The following MSH6 variants were observed in gnomAD, a reference collection of about 807,000 sequenced individuals.
The protein encoded by MSH6 is mutS homolog 6.
In MSH6, 85 loss-of-function variants were observed where a neutral mutation model predicts 119.1. The observed-to-expected ratio is 0.71, with a 90% CI of 0.60 to 0.85. The LOEUF is 0.85. Ranked by LOEUF, MSH6 falls within the 40% of genes least tolerant of loss-of-function variation. The probability of loss-of-function intolerance (pLI) is 0.00; values close to 1 mark genes in which losing one functional copy is unlikely to be tolerated. For missense variants in MSH6, 2,163 were observed against 1,655.3 expected (o/e 1.31, Z -5.32); for synonymous variants, 830 against 586.9 (o/e 1.41, Z -5.99).
downstream of MSH6, chr2:47,809,980 A>G: frequency 2.0e-6 from 1 of 492,112 alleles, no homozygotes; most frequent in Non-Finnish European, 3.6e-6. Context: ...CCATTTTAAC[A>G]TCTCTTTTTC....
intron 2 of MSH6, among the ~76,000 whole-genome samples, chr2:47,792,155 A>C (rs1668770749): frequency 6.6e-6 from 1 of 152,066 alleles, no homozygotes; most frequent in African/African-American, 2.4e-5. Flanking sequence ...CGCCCAGCTA[A>C]TTTTTGTATT....
At chr2:47,795,097 A>G (rs1668988278) in intron 2 of MSH6, among the ~76,000 whole-genome samples, 1 of 151,982 alleles carries the variant, frequency 6.6e-6, no homozygotes. Flanking sequence ...CCAGCTAGTA[A>G]GTTTTTAAGA....
chr2:47,783,581 G>C (rs1012323306), intron 1 of MSH6, 88 bp downstream of exon 1: 4 of 1,302,042 alleles, frequency 3.1e-6, no homozygotes, highest in Non-Finnish European at 4.0e-6. Flanking sequence ...AGGGGGTTGG[G>C]GGGGTGCACG....
intron 8 of MSH6, 32 bp from the exon 9 acceptor site, chr2:47,806,420 C>G (rs2104549525): frequency 6.2e-7 from 1 of 1,613,580 alleles, no homozygotes; most frequent in Non-Finnish European, 8.5e-7. Flanking sequence ...CTCTTGCTAG[C>G]ACATGTATCG....
At position 47,805,010 on chromosome 2, in the gene MSH6, C is replaced by G. The variant is rs766905993; in HGVS notation, c.3539C>G (p.Ser1180Ter). ...AGAGTGTTTACTAGACTTGGTGCCT[C>G]AGACAGAATAATGTCAGGTGAGTTT... ...IDRVFTRLGA[S>*]DRIMSGESTF... Residue 1180 changes from serine to a stop codon, truncating the protein, a stop_gained, in exon 6 of 10, where the codon TCA becomes TGA. Transcript: ENST00000234420. LOFTEE classifies it high-confidence loss of function. 6.2e-7 allele frequency: 1 copy of G among 1,612,644 alleles called. No individual in the cohort carries two copies. The highest frequency in any genetic ancestry group is 2.2e-5 in the East Asian group (1 of 44,884).
chr2:47,800,386 G>T lies in MSH6; in HGVS notation c.2403G>T (p.Val801=), dbSNP rs1572727035. 1 of 1,614,054 alleles carries T rather than the reference G, an allele frequency of 6.2e-7. No individual in the cohort carries two copies. The stretch of plus-strand genomic sequence containing the variant: ...ATGCCATAGAAGACCTCATGGTTGT[G>T]CCTGACAAAATCTCCGAAGTTGTAG... The part of the protein sequence containing the change: ...RLDAIEDLMV[V]PDKISEVVEL... Residue 801 remains valine, a synonymous_variant, in exon 4 of 10, where the codon GTG becomes GTT. Transcript: ENST00000234420.
Position 47,803,502 on chromosome 2 carries a change from C to G in MSH6, c.3255C>G (p.Thr1085=), listed in dbSNP as rs371568610. ...CRPVILLPED[T]PPFLELKGSR... The stretch of plus-strand genomic sequence containing the variant: ...CAGTAATTCTGTTGCCGGAAGATAC[C>G]CCCCCCTTCTTAGAGCTTAAAGGAT... The change falls in exon 5 of 10, where the codon ACC becomes ACG. Residue 1085 remains threonine (T), a synonymous_variant. Transcript: ENST00000234420. 5.0e-5 allele frequency: 81 copies of G among 1,613,796 alleles called. 1 individual carries two copies. The South Asian group carries it at 5.3e-4, about 11-fold the overall frequency.
At chr2:47,802,451 C>T (rs912927832) in intron 4 of MSH6, among the ~76,000 whole-genome samples, 5 of 152,020 alleles carry the variant, frequency 3.3e-5, no homozygotes, top group Non-Finnish European at 4.4e-5. Context: ...CTTCCTCAGC[C>T]TCCTGAGTAG....
At chr2:47,801,688 A>G (rs1371932641) in intron 4 of MSH6, among the ~76,000 whole-genome samples, 1 of 151,330 alleles carries the variant, frequency 6.6e-6, no homozygotes, top group South Asian at 2.1e-4. Flanking sequence ...GTCTTTAATA[A>G]TCGAACAAAA....
chr2:47,806,837 CT>C lies in MSH6; in HGVS notation c.4061del (p.Leu1354ArgfsTer3). On this transcript the variant is annotated frameshift_variant, in exon 10 of 10. Coordinates refer to ENST00000234420, the MANE Select transcript of MSH6 (RefSeq NM_000179.3). LOFTEE classifies it high-confidence loss of function. Reference sequence around the variant, plus strand: ...AGATGCTGAAGCTGTCCATAAATTGCTGACTTTGATTAAGGAATTATAGACT... The same window carrying C: ...AGATGCTGAAGCTGTCCATAAATTGCGACTTTGATTAAGGAATTATAGACT... ...TVDAEAVHKL[L>X]TLIKEL 6.2e-7 allele frequency: 1 copy of C among 1,609,830 alleles called. No homozygotes were observed. Among genetic ancestry groups the C allele is most frequent in the Non-Finnish European group, 8.5e-7 (1 of 1,178,654 alleles).
At position 47,788,905 on chromosome 2, in the gene MSH6, TCCTTTTTTTTTTTTTTG is replaced by T. The variant is rs748677256; in HGVS notation, c.261-2021_261-2005del. 8.4e-4 allele frequency among the ~76,000 whole-genome samples: 62 copies of T among 73,610 alleles called. 2 individuals carry two copies. The highest frequency in any genetic ancestry group is 1.0e-3 in the African/African-American group (19 of 18,296). The allele number at this position is 73,610 out of a possible 152,430, so 48.3% of individuals were successfully genotyped here. ...TGCTATTTCTTTCTTTCTTTCTTCT[TCCTTTTTTTTTTTTTTG>T]TTTTTTTTTTTTTTTTTTTTTTTTT... On this transcript the variant is annotated intron_variant, in intron 1 of 9. Coordinates refer to ENST00000234420, the MANE Select transcript of MSH6 (RefSeq NM_000179.3).
At chr2:47,787,650 C>G (rs1030535458) in intron 1 of MSH6, among the ~76,000 whole-genome samples, 31 of 152,246 alleles carry the variant, frequency 2.0e-4, no homozygotes, top group African/African-American at 7.5e-4. Flanking sequence ...CAGTGTTTTG[C>G]TTTGTTGCCC....
rs1668105939 is a variant in MSH6, at chr2:47,783,212, T to A, written c.-22T>A. On this transcript the variant is annotated 5_prime_UTR_variant, in exon 1 of 10. The change creates a new upstream start codon in the 5' untranslated region. Transcript: ENST00000234420. ...TTAGGAGCTCCGTCCGACAGAACGG[T>A]TGGGCCTTGCCGGCTGTCGGTATGT... 2 of 1,610,906 alleles carry A rather than the reference T, an allele frequency of 1.2e-6. No homozygotes were observed. Among genetic ancestry groups the A allele is most frequent in the Non-Finnish European group, 1.7e-6 (2 of 1,179,210 alleles).
At chr2:47,803,371 A>T (rs2104469847) in intron 4 of MSH6, 49 bp from the exon 5 acceptor site, 1 of 1,613,840 alleles carries the variant, frequency 6.2e-7, no homozygotes, top group Non-Finnish European at 8.5e-7. Context: ...ACTTAGGCTG[A>T]TAAAACCCCC....
In MSH6 at chr2:47,805,187, T is replaced by C. The variant is rs56320267; in HGVS notation, c.3556+160T>C. 0.034 allele frequency among the ~76,000 whole-genome samples: 5,148 copies of C among 152,120 alleles called. 140 individuals carry two copies. Among genetic ancestry groups the C allele is most frequent in the Non-Finnish European group, 0.057 (3,890 of 67,948 alleles). On this transcript the variant is annotated intron_variant, in intron 6 of 9. Coordinates refer to ENST00000234420, the MANE Select transcript of MSH6 (RefSeq NM_000179.3). ...AGAACTGCATAGTCTCTCTCTCTTT[T>C]TTTTTTTTTTGAGATGGAGTTTCCC...
intron 3 of MSH6, among the ~76,000 whole-genome samples, chr2:47,796,553 C>G (rs1031348522): frequency 8.5e-5 from 13 of 152,204 alleles, no homozygotes; most frequent in Non-Finnish European, 1.5e-4. Flanking sequence ...CAGCTTTATG[C>G]TTTTAATTCT....
chr2:47,798,516 C>T (rs978457463), intron 3 of MSH6, 95 bp from the exon 4 acceptor site: 33 of 1,314,188 alleles, frequency 2.5e-5, no homozygotes, highest in Non-Finnish European at 3.3e-5. Flanking sequence ...TGCACGGGTA[C>T]CATTATAAAG....
At chr2:47,806,703 G>GAAAC (rs745683433) in intron 9 of MSH6, 52 bp downstream of exon 9, 63 of 1,532,534 alleles carry the variant, frequency 4.1e-5, no homozygotes, top group Middle Eastern at 1.7e-4. Context: ...AAGTTTCAAA[G>GAAAC]AAACAGTAAA....
At position 47,806,489 on chromosome 2, in the gene MSH6, AGGAGACT is replaced by A. The variant is rs63751319; in HGVS notation, c.3840_3846del (p.Glu1281LeufsTer44). The A allele has an allele frequency of 1.2e-6, 2 of 1,614,132 alleles. No individual in the cohort carries two copies. The highest frequency in any genetic ancestry group is 1.7e-6 in the Non-Finnish European group (2 of 1,180,006). The stretch of plus-strand genomic sequence containing the variant: ...GAAAATGAATGTGAAGACCCCAGCC[AGGAGACT>A]ATTACGTTCCTCTATAAATTCATTA... On this transcript the variant is annotated frameshift_variant, in exon 9 of 10. Coordinates refer to ENST00000234420, the MANE Select transcript of MSH6 (RefSeq NM_000179.3). LOFTEE classifies it high-confidence loss of function.
Sources: allele counts gnomAD v4.1 joint callset (sites outside exome capture counted in the v4.1 genomes callset), GRCh38; gene constraint gnomAD v4.1.1; transcripts MANE v1.5; gene names NCBI Gene and HGNC (gene_info 2026-07-23, HGNC 2026-07-21).